NALF1: variants seen among roughly 807,000 people sequenced by gnomAD.
NALF1 encodes the protein NALCN channel auxiliary factor 1, also known as family with sequence similarity 155 member A.
A neutral mutation model predicts 48.4 loss-of-function variants in NALF1; 3 were observed. The observed-to-expected ratio is 0.06, with a 90% CI of 0.03 to 0.16. NALF1 has a LOEUF of 0.16. NALF1 is among the 10% of genes least tolerant of loss of function. The pLI is 1.00. For missense variants in NALF1, 526 were observed against 571.5 expected, an observed-to-expected ratio of 0.92 and a Z score of 0.81; for synonymous variants, 262 against 245.7, an observed-to-expected ratio of 1.07 and a Z score of -0.62.
In NALF1 at chr13:107,754,380, CA is replaced by C. The variant is rs1278534984; in HGVS notation, c.915+111301del. On this transcript the variant is annotated intron_variant, in intron 1 of 2. Transcript: ENST00000375915. ...ACACACACACACACACACACACACA[CA>C]CACACACACACACACACCATATATG... 4.6e-5 allele frequency among the ~76,000 whole-genome samples: 7 copies of C among 151,680 alleles called. No homozygotes were observed. The East Asian group carries it at 1.2e-3, about 25-fold the overall frequency.
intron 1 of NALF1, among the ~76,000 whole-genome samples, chr13:107,518,892 G>T (rs1029883993): frequency 6.6e-6 from 1 of 152,170 alleles, no homozygotes; most frequent in Non-Finnish European, 1.5e-5. Flanking sequence ...CAGGAGAAAT[G>T]AAAGTGGGAT....
chr13:107,548,376 T>C (rs1172012574), intron 1 of NALF1, among the ~76,000 whole-genome samples: 1 of 152,162 alleles, frequency 6.6e-6, no homozygotes, highest in Non-Finnish European at 1.5e-5. Flanking sequence ...CTGTCATTGA[T>C]GGGCATTTAC....
At chr13:107,569,449 G>A (rs1360842924) in intron 1 of NALF1, among the ~76,000 whole-genome samples, 2 of 151,826 alleles carry the variant, frequency 1.3e-5, no homozygotes, top group African/African-American at 4.8e-5. Flanking sequence ...TCCAGCCTGG[G>A]CGACACAGCG....
intron 1 of NALF1, among the ~76,000 whole-genome samples, chr13:107,456,902 C>T (rs1034578083): frequency 1.3e-5 from 2 of 152,130 alleles, no homozygotes; most frequent in Non-Finnish European, 2.9e-5. Flanking sequence ...AGTTATCTAT[C>T]ACCTTCAAGA....
rs544723509 is a variant in NALF1, at chr13:107,434,012, T to C, written c.916-223257A>G. ...TGAACAAATCAATTTTCCATTGAAC[T>C]AGGAGGCTGTAATAGAAGATCAAAA... is the stretch of plus-strand genomic sequence containing the variant. On this transcript the variant is annotated intron_variant, in intron 1 of 2. Coordinates refer to ENST00000375915, the MANE Select transcript of NALF1 (RefSeq NM_001080396.3). 1.0e-3 allele frequency among the ~76,000 whole-genome samples: 159 copies of C among 152,252 alleles called. 1 individual carries two copies. The highest frequency in any genetic ancestry group is 9.6e-4 in the Non-Finnish European group (65 of 68,002).
chr13:107,807,543 A>G (rs1878838272), intron 1 of NALF1, among the ~76,000 whole-genome samples: 1 of 152,226 alleles, frequency 6.6e-6, no homozygotes, highest in Non-Finnish European at 1.5e-5. Flanking sequence ...TATTCTTTCC[A>G]CACTGCATTA....
Position 107,165,716 on chromosome 13 carries a change from C to T in NALF1, c.*4781G>A, listed in dbSNP as rs1242313069. On this transcript the variant is annotated 3_prime_UTR_variant, in exon 3 of 3. Coordinates refer to ENST00000375915, the MANE Select transcript of NALF1 (RefSeq NM_001080396.3). Reference sequence around the variant, plus strand: ...AACTATACTTAGTTATTTTCCTTCCCCCCCACTGAAAGTCTTTTTATTCAT... The same window carrying T: ...AACTATACTTAGTTATTTTCCTTCCTCCCCACTGAAAGTCTTTTTATTCAT... 1 of 152,068 alleles carries T rather than the reference C, an allele frequency of 6.6e-6. No homozygotes were observed. The highest frequency in any genetic ancestry group is 1.9e-4 in the East Asian group (1 of 5,190). 9.4% of individuals were successfully genotyped at this position (152,068 alleles called of 1,614,324 possible).
chr13:107,866,123 T>C lies in NALF1; in HGVS notation c.474A>G (p.Leu158=). The change falls in exon 1 of 3, where the codon CTA becomes CTG. Residue 158 remains leucine, a synonymous_variant. Coordinates refer to ENST00000375915, the MANE Select transcript of NALF1 (RefSeq NM_001080396.3). This position sits in a 1 kb window ranked among gnomAD's most constrained non-coding sequence, Gnocchi z 4.4. ...GKDDRGKALF[L]GNSAKPVWRL... ...GCCACACGGGCTTGGCAGAGTTTCC[T>C]AGAAAAAGAGCCTTGCCCCGGTCGT... 1 of 1,612,460 alleles carries C rather than the reference T, an allele frequency of 6.2e-7. No individual in the cohort carries two copies. Among genetic ancestry groups the C allele is most frequent in the Non-Finnish European group, 8.5e-7 (1 of 1,179,740 alleles).
intron 1 of NALF1, among the ~76,000 whole-genome samples, chr13:107,252,295 G>A (rs566020527): frequency 6.6e-6 from 1 of 152,134 alleles, no homozygotes; most frequent in African/African-American, 2.4e-5. Context: ...CAGCACACGG[G>A]CCTCTTCATG....
chr13:107,641,426 A>T (rs1880152305), intron 1 of NALF1, among the ~76,000 whole-genome samples: 1 of 152,208 alleles, frequency 6.6e-6, no homozygotes, highest in Non-Finnish European at 1.5e-5. Flanking sequence ...CCCAACCCAA[A>T]AAAAGATAAT....
chr13:107,377,332 G>A (rs1019716570), intron 1 of NALF1, among the ~76,000 whole-genome samples: 1 of 152,366 alleles, frequency 6.6e-6, no homozygotes, highest in Admixed American at 6.5e-5. Flanking sequence ...TCTGTGTCTA[G>A]CACTTGGGTG....
chr13:107,511,869 T>C (rs1053743988), intron 1 of NALF1, among the ~76,000 whole-genome samples: 3 of 152,026 alleles, frequency 2.0e-5, no homozygotes, highest in Non-Finnish European at 2.9e-5. Flanking sequence ...CACCTCCGTC[T>C]AATGGCTTCA....
chr13:107,207,214 C>T (rs548646715), intron 2 of NALF1, among the ~76,000 whole-genome samples: 2 of 151,784 alleles, frequency 1.3e-5, no homozygotes, highest in South Asian at 2.1e-4. Context: ...TTTCTTTTTT[C>T]CCTTAAACTT....
intron 1 of NALF1, among the ~76,000 whole-genome samples, chr13:107,640,057 T>C (rs1371646468): frequency 5.9e-5 from 9 of 152,200 alleles, no homozygotes; most frequent in Admixed American, 3.9e-4. Context: ...TTGGAATCAT[T>C]GACTGTTTTA....
At chr13:107,252,272 C>G (rs566863250) in intron 1 of NALF1, among the ~76,000 whole-genome samples, 16 of 152,224 alleles carry the variant, frequency 1.1e-4, no homozygotes, top group Non-Finnish European at 1.6e-4. Context: ...CAAAGAGTCA[C>G]GGTTCCCGGC....
chr13:107,408,652 A>G (rs983855710), intron 1 of NALF1, among the ~76,000 whole-genome samples: 10 of 152,114 alleles, frequency 6.6e-5, no homozygotes, highest in African/African-American at 2.2e-4. Flanking sequence ...TCTGTGACAG[A>G]TGACAATCAT....
intron 1 of NALF1, among the ~76,000 whole-genome samples, chr13:107,301,898 G>GA (rs1445395669): frequency 1.3e-5 from 2 of 152,112 alleles, no homozygotes; most frequent in African/African-American, 4.8e-5. Context: ...TAGAAAAGCT[G>GA]AAAAAACAAC....
rs1206197856 is a variant in NALF1, at chr13:107,517,656, C to CA, written c.916-306902dup. 2.2e-3 allele frequency among the ~76,000 whole-genome samples: 312 copies of CA among 144,906 alleles called. 2 individuals carry two copies. Among genetic ancestry groups the CA allele is most frequent in the African/African-American group, 7.4e-3 (290 of 39,070 alleles). ...TTTCAAACACCAACAAACAAACAAA[C>CA]AAACAAAAAACACTTAAGGCCAGGC... On this transcript the variant is annotated intron_variant, in intron 1 of 2. Transcript: ENST00000375915.
intron 1 of NALF1, among the ~76,000 whole-genome samples, chr13:107,767,739 T>A (rs1404829955): frequency 6.6e-6 from 1 of 152,220 alleles, no homozygotes; most frequent in East Asian, 1.9e-4. Flanking sequence ...TGGTTTGACT[T>A]TATGGTCCAT....
Sources: gnomAD v4.1 joint callset for allele counts (sites outside exome capture counted in the v4.1 genomes callset) on GRCh38, gnomAD v4.1.1 for gene constraint, Gnocchi (gnomAD v3.1) non-coding constraint, MANE v1.5 for transcripts, NCBI Gene and HGNC (gene_info 2026-07-23, HGNC 2026-07-21) for gene names.